The following KCNAB1 variants were observed in gnomAD, a reference collection of about 807,000 sequenced individuals.
The protein encoded by KCNAB1 is voltage-gated potassium channel subunit beta-1.
In KCNAB1, 35 loss-of-function variants were observed where a neutral mutation model predicts 64.6. That is an observed-to-expected ratio of 0.54 (90% CI 0.41 to 0.72). The LOEUF (loss-of-function observed/expected upper bound fraction) is 0.72. Among genes scored for constraint, KCNAB1 ranks in the 30% least tolerant of loss-of-function variants. The pLI is 0.00. For synonymous variants in KCNAB1, 177 were observed against 183.8 expected (o/e 0.96, Z 0.30); for missense variants, 401 against 512.9 (o/e 0.78, Z 2.11).
At chr3:156,496,014 C>T (rs1460621888) in intron 8 of KCNAB1, among the ~76,000 whole-genome samples, 1 of 152,090 alleles carries the variant, frequency 6.6e-6, no homozygotes, top group East Asian at 1.9e-4. Flanking sequence ...CTCCTTCCTA[C>T]TGCCCTTTGC....
At chr3:156,295,717 C>CT (rs35519288) in intron 1 of KCNAB1, among the ~76,000 whole-genome samples, 28 of 151,822 alleles carry the variant, frequency 1.8e-4, no homozygotes, top group Middle Eastern at 3.4e-3. Flanking sequence ...CCTTAGAGGG[C>CT]TTTTTTTTCC....
intron 1 of KCNAB1, among the ~76,000 whole-genome samples, chr3:156,310,072 T>G (rs1274114167): frequency 6.6e-6 from 1 of 152,142 alleles, no homozygotes; most frequent in Non-Finnish European, 1.5e-5. Flanking sequence ...CTGCCCTCAA[T>G]TTAATATAAA....
intron 8 of KCNAB1, among the ~76,000 whole-genome samples, chr3:156,475,022 A>G (rs927491346): frequency 6.6e-6 from 1 of 152,284 alleles, no homozygotes; most frequent in Admixed American, 6.5e-5. Flanking sequence ...CTTTTAAAGC[A>G]GTTGAAGGCA....
chr3:156,532,150 A>T lies in KCNAB1; in HGVS notation c.1170+653A>T, dbSNP rs562431542. On this transcript the variant is annotated intron_variant, in intron 13 of 13. Coordinates refer to ENST00000490337, the MANE Select transcript of KCNAB1 (RefSeq NM_172160.3). ...ACTTCCAGGATCACATCTCCCTAGA[A>T]GCAAATTTAGGAGGCCCATCCCCAT... 1.8e-4 allele frequency among the ~76,000 whole-genome samples: 28 copies of T among 152,332 alleles called. 2 individuals are homozygous for T. The South Asian group carries it at 5.2e-3, about 28-fold the overall frequency.
At chr3:156,305,035 AAGGGACTCGAGTATC>A (rs1427442543) in intron 1 of KCNAB1, among the ~76,000 whole-genome samples, 1 of 151,908 alleles carries the variant, frequency 6.6e-6, no homozygotes, top group Non-Finnish European at 1.5e-5. Context: ...ATACTAGCTA[AAGGGACTCGAGTATC>A]AGTTTACTTC....
intron 1 of KCNAB1, among the ~76,000 whole-genome samples, chr3:156,332,578 T>C (rs1576736461): frequency 6.6e-6 from 1 of 152,142 alleles, no homozygotes; most frequent in South Asian, 2.1e-4. Context: ...ACATCTGCTA[T>C]AAGGAATGTC....
At chr3:156,367,614 T>C (rs1284870776) in intron 1 of KCNAB1, among the ~76,000 whole-genome samples, 16 of 152,228 alleles carry the variant, frequency 1.1e-4, no homozygotes, top group Non-Finnish European at 1.5e-5. Context: ...TTTTAGTAGC[T>C]GGCAATTTTG....
intron 1 of KCNAB1, among the ~76,000 whole-genome samples, chr3:156,384,763 G>T (rs1712449304): frequency 1.3e-5 from 2 of 152,262 alleles, no homozygotes; most frequent in South Asian, 4.2e-4. Flanking sequence ...TCTTTTAGAT[G>T]AAGTTGGGTC....
chr3:156,390,030 A>T (rs1319671894), intron 1 of KCNAB1, among the ~76,000 whole-genome samples: 1 of 152,214 alleles, frequency 6.6e-6, no homozygotes, highest in Non-Finnish European at 1.5e-5. Flanking sequence ...TCATTTTTGG[A>T]CAAACTACAT....
At chr3:156,512,206 G>A (rs983482009) in intron 8 of KCNAB1, among the ~76,000 whole-genome samples, 1 of 152,202 alleles carries the variant, frequency 6.6e-6, no homozygotes, top group African/African-American at 2.4e-5. Context: ...ATTTGTGTCT[G>A]TTTTACTCAC....
chr3:156,369,944 A>G (rs1378139466), intron 1 of KCNAB1, among the ~76,000 whole-genome samples: 1 of 152,240 alleles, frequency 6.6e-6, no homozygotes, highest in Admixed American at 6.5e-5. Context: ...TTTAAAAGCC[A>G]AAGATACACT....
intron 1 of KCNAB1, among the ~76,000 whole-genome samples, chr3:156,315,013 A>G (rs894186964): frequency 2.7e-5 from 4 of 150,256 alleles, no homozygotes; most frequent in African/African-American, 9.7e-5. Context: ...GACTCCATCT[A>G]AAAAAAAAAT....
chr3:156,374,915 C>T lies in KCNAB1; in HGVS notation c.276-46701C>T, dbSNP rs1360909275. ...TAAATGATTAATAGACGTGAGTTCT[C>T]ATTATAGAAAACACAAAGAAATTTA... On this transcript the variant is annotated intron_variant, in intron 1 of 13. Transcript: ENST00000490337. Among the ~76,000 whole-genome samples the T allele has an allele frequency of 1.5e-5, 2 of 136,072 alleles. 1 individual carries two copies. The highest frequency in any genetic ancestry group is 6.5e-5 in the African/African-American group (2 of 30,558). The allele number at this position is 136,072 out of a possible 152,430, so 89.3% of individuals were successfully genotyped here. A position where few individuals can be genotyped will look rare whatever the true frequency, so the allele number is the denominator to read the frequency against.
chr3:156,527,957 A>G (rs1718439590), intron 12 of KCNAB1, among the ~76,000 whole-genome samples: 1 of 152,180 alleles, frequency 6.6e-6, no homozygotes, highest in African/African-American at 2.4e-5. Context: ...TAGAGGTGCT[A>G]ATTATCCAGA....
intron 1 of KCNAB1, among the ~76,000 whole-genome samples, chr3:156,142,187 C>T (rs1714744740): frequency 6.6e-6 from 1 of 152,154 alleles, no homozygotes; most frequent in South Asian, 2.1e-4. Context: ...AATATTTTCT[C>T]CCAGTCTGTA....
intron 1 of KCNAB1, among the ~76,000 whole-genome samples, chr3:156,383,562 T>A (rs1712339845): frequency 6.6e-6 from 1 of 152,140 alleles, no homozygotes; most frequent in Admixed American, 6.5e-5. Flanking sequence ...CTGGGACAGT[T>A]GGTCACCCTA....
chr3:156,490,101 T>C (rs1374537424), intron 8 of KCNAB1, among the ~76,000 whole-genome samples: 1 of 152,042 alleles, frequency 6.6e-6, no homozygotes, highest in Admixed American at 6.6e-5. Flanking sequence ...GGAGCCAGGC[T>C]GCAAATAAAA....
At chr3:156,279,040 T>C (rs1367743846) in intron 1 of KCNAB1, among the ~76,000 whole-genome samples, 1 of 152,096 alleles carries the variant, frequency 6.6e-6, no homozygotes, top group Admixed American at 6.6e-5. Context: ...TATGTATACA[T>C]GTGCCATGCT....
At chr3:156,239,650 A>ACTGT (rs1717054016) in intron 1 of KCNAB1, among the ~76,000 whole-genome samples, 1 of 152,208 alleles carries the variant, frequency 6.6e-6, no homozygotes, top group Admixed American at 6.5e-5. Context: ...CACTCACCAC[A>ACTGT]CTGTCTACAG....
Sources: gnomAD v4.1 joint callset for allele counts (sites outside exome capture counted in the v4.1 genomes callset) on GRCh38, gnomAD v4.1.1 for gene constraint, MANE v1.5 for transcripts, NCBI Gene and HGNC (gene_info 2026-07-23, HGNC 2026-07-21) for gene names.